The following AKAP13 variants were observed in gnomAD, a reference collection of about 807,000 sequenced individuals.
AKAP13 encodes A-kinase anchoring protein 13.
A neutral mutation model predicts 264.5 loss-of-function variants in AKAP13; 80 were observed. That is an observed-to-expected ratio of 0.30 (90% CI 0.25 to 0.36). AKAP13 has a LOEUF of 0.36. AKAP13 is among the 10% of genes least tolerant of loss of function. The pLI, the probability that AKAP13 is intolerant of heterozygous loss-of-function variation, is 1.00. For missense variants in AKAP13, 3,712 were observed against 3,435.2 expected, an observed-to-expected ratio of 1.08 and a Z score of -2.01; for synonymous variants, 1,380 against 1,250.2, an observed-to-expected ratio of 1.10 and a Z score of -2.19.
chr15:85,696,350 G>C (rs1202627428), intron 17 of AKAP13, among the ~76,000 whole-genome samples: 1 of 152,202 alleles, frequency 6.6e-6, no homozygotes, highest in Admixed American at 6.5e-5. Context: ...CATCTCCTGA[G>C]TGAAGAATAC....
At chr15:85,684,675 T>G in intron 15 of AKAP13, 66 bp from the exon 16 acceptor site, 8 of 1,517,294 alleles carry the variant, frequency 5.3e-6, no homozygotes, top group Non-Finnish European at 7.1e-6. Context: ...TACCTTTTAT[T>G]CTGCTTCACT....
At position 85,568,580 on chromosome 15, in the gene AKAP13, A is replaced by G. The variant is rs2078693508; in HGVS notation, c.663-6551A>G. Reference sequence around the variant, plus strand: ...CCGGCAGAAGAGTTGCTGGTGTGGCATGGCCTATAGAGGCACTGTGGTAGA... The same window carrying G: ...CCGGCAGAAGAGTTGCTGGTGTGGCGTGGCCTATAGAGGCACTGTGGTAGA... On this transcript the variant is annotated intron_variant, in intron 5 of 36. Coordinates refer to ENST00000394518, the MANE Select transcript of AKAP13 (RefSeq NM_007200.5). Among the ~76,000 whole-genome samples the G allele has an allele frequency of 2.0e-5, 3 of 152,204 alleles. No homozygotes were observed. The South Asian group carries it at 6.2e-4, about 32-fold the overall frequency.
intron 1 of AKAP13, among the ~76,000 whole-genome samples, chr15:85,468,784 A>G (rs1007921078): frequency 6.6e-6 from 1 of 151,938 alleles, no homozygotes; most frequent in African/African-American, 2.4e-5. Context: ...TTCACCCTTC[A>G]TGCTTCACAA....
At chr15:85,651,776 C>G (rs191020314) in intron 10 of AKAP13, 1 of 152,288 alleles carries the variant, frequency 6.6e-6, no homozygotes, top group East Asian at 1.9e-4. Flanking sequence ...GCTGTCTTAA[C>G]TGTTTTCCCA....
chr15:85,619,101 A>G (rs2081061664), intron 8 of AKAP13, among the ~76,000 whole-genome samples: 1 of 152,124 alleles, frequency 6.6e-6, no homozygotes, highest in Non-Finnish European at 1.5e-5. Context: ...TCTGACATCA[A>G]AGAACTGAGC....
At chr15:85,651,577 A>G (rs1383776047) in intron 10 of AKAP13, 1 of 152,214 alleles carries the variant, frequency 6.6e-6, no homozygotes, top group Non-Finnish European at 1.5e-5. Context: ...AGGCCATGCT[A>G]ATCGTCTGTG....
chr15:85,649,352 A>G (rs149867362), intron 10 of AKAP13, among the ~76,000 whole-genome samples: 2 of 152,338 alleles, frequency 1.3e-5, no homozygotes, highest in African/African-American at 4.8e-5. Context: ...ATAGCCAGTG[A>G]TTAAATAAAA....
At chr15:85,488,728 C>T (rs1017025117) in intron 2 of AKAP13, among the ~76,000 whole-genome samples, 4 of 152,178 alleles carry the variant, frequency 2.6e-5, no homozygotes, top group Admixed American at 2.0e-4. Flanking sequence ...CTACGGAATG[C>T]AGCTCTAGAA....
intron 1 of AKAP13, among the ~76,000 whole-genome samples, chr15:85,397,102 T>A (rs1355892051): frequency 7.5e-6 from 1 of 133,950 alleles, no homozygotes; most frequent in African/African-American, 2.8e-5. Flanking sequence ...TGAAAGAAAA[T>A]ACTTTTTAAG....
intron 4 of AKAP13, chr15:85,537,079 G>C (rs531523294): frequency 6.6e-6 from 1 of 152,344 alleles, no homozygotes; most frequent in East Asian, 1.9e-4. Flanking sequence ...CAACAACTGG[G>C]ATGAGGAATC....
At chr15:85,575,433 AT>A in intron 6 of AKAP13, 104 bp downstream of exon 6, 1 of 1,197,942 alleles carries the variant, frequency 8.3e-7, no homozygotes, top group Admixed American at 1.8e-5. Flanking sequence ...TAATTAGAAC[AT>A]AAAAATGCTT....
chr15:85,457,786 A>T (rs893754948), intron 1 of AKAP13, among the ~76,000 whole-genome samples: 5 of 152,182 alleles, frequency 3.3e-5, no homozygotes, highest in African/African-American at 9.7e-5. Flanking sequence ...CTTCACGAAG[A>T]GAGATTTGAA....
intron 2 of AKAP13, among the ~76,000 whole-genome samples, chr15:85,497,875 A>G (rs1315337874): frequency 2.0e-5 from 3 of 152,156 alleles, no homozygotes; most frequent in Non-Finnish European, 4.4e-5. Flanking sequence ...GATGAAAGTC[A>G]TACCCAAAAT....
intron 6 of AKAP13, among the ~76,000 whole-genome samples, chr15:85,578,431 T>C (rs971600904): frequency 5.3e-5 from 8 of 152,188 alleles, no homozygotes; most frequent in African/African-American, 1.9e-4. Flanking sequence ...CACTGCAACC[T>C]CCGCCTCCCG....
At chr15:85,597,303 G>T (rs11631018) in intron 8 of AKAP13, among the ~76,000 whole-genome samples, 1 of 152,066 alleles carries the variant, frequency 6.6e-6, no homozygotes, top group African/African-American at 2.4e-5. Context: ...CATCATTTGT[G>T]ATGCCCAGGA....
intron 2 of AKAP13, among the ~76,000 whole-genome samples, chr15:85,490,714 C>T (rs1314244802): frequency 6.6e-6 from 1 of 152,172 alleles, no homozygotes; most frequent in Non-Finnish European, 1.5e-5. Context: ...TTCTTTTATT[C>T]AGGTGCCTTC....
chr15:85,418,817 G>T (rs564701142), intron 1 of AKAP13, among the ~76,000 whole-genome samples: 2 of 152,086 alleles, frequency 1.3e-5, no homozygotes. Flanking sequence ...GGAATCAATC[G>T]CATAGTTATC....
intron 15 of AKAP13, chr15:85,684,462 G>A (rs2084784906): frequency 4.0e-6 from 1 of 248,528 alleles, no homozygotes; most frequent in Non-Finnish European, 7.7e-6. Context: ...TACTCTAGAG[G>A]CTGAGGCAGG....
rs1288665279 is a variant in AKAP13 at position 85,435,333 on chromosome 15, C to T, written c.-11-50377C>T. On this transcript the variant is annotated intron_variant, in intron 1 of 36. Coordinates refer to ENST00000394518, the MANE Select transcript of AKAP13 (RefSeq NM_007200.5). ...GGACTATGTGAAAAGACCAAATCTA[C>T]GTCTGATTGGTGTACCTGAAAGTGA... 6.0e-5 allele frequency among the ~76,000 whole-genome samples: 8 copies of T among 133,074 alleles called. No homozygotes were observed. In the East Asian group the frequency reaches 6.4e-4, roughly 11 times the overall value. 87.3% of individuals were successfully genotyped at this position (133,074 alleles called of 152,430 possible).
Sources: allele counts gnomAD v4.1 joint callset (sites outside exome capture counted in the v4.1 genomes callset), GRCh38; gene constraint gnomAD v4.1.1; transcripts MANE v1.5; gene names NCBI Gene and HGNC (gene_info 2026-07-23, HGNC 2026-07-21).